The following CSMD1 variants were observed in gnomAD, a reference collection of about 807,000 sequenced individuals.
CSMD1 encodes the protein CUB and Sushi multiple domains 1.
In CSMD1, 213 loss-of-function variants were observed where a neutral mutation model predicts 417.5. That is an observed-to-expected ratio of 0.51 (90% CI 0.46 to 0.57). The LOEUF (loss-of-function observed/expected upper bound fraction) is 0.57, where lower values mean the gene tolerates loss of function less well. Among genes scored for constraint, CSMD1 ranks in the 20% least tolerant of loss-of-function variants. CSMD1 has a pLI of 0.00. For synonymous variants in CSMD1, 2,862 were observed against 1,736.8 expected (o/e 1.65, Z -16.11); for missense variants, 6,923 against 4,529.7 (o/e 1.53, Z -15.17).
Position 3,212,985 on chromosome 8 carries a change from C to T in CSMD1, c.4867+1512G>A, listed in dbSNP as rs12334741. Among the ~76,000 whole-genome samples, 10 of 151,592 alleles carry T rather than the reference C, an allele frequency of 6.6e-5. No individual in the cohort carries two copies. The East Asian group carries it at 1.4e-3, about 21-fold the overall frequency. On this transcript the variant is annotated intron_variant, in intron 30 of 69. Coordinates refer to ENST00000635120, the MANE Select transcript of CSMD1 (RefSeq NM_033225.6). The stretch of plus-strand genomic sequence containing the variant: ...CTGGGATTACAGGTGTGCACCACCA[C>T]GCCCAGCTAATTTTTTGTATTTTTA...
intron 1 of CSMD1, among the ~76,000 whole-genome samples, chr8:4,733,733 C>A (rs565997958): frequency 1.3e-5 from 2 of 152,140 alleles, no homozygotes; most frequent in South Asian, 2.1e-4. Flanking sequence ...ATGTAGGAAC[C>A]CATGAAAGTA....
At chr8:4,554,461 G>C (rs7003947) in intron 2 of CSMD1, among the ~76,000 whole-genome samples, 2,300 of 152,204 alleles carry the variant, frequency 0.015, 74 homozygotes, top group African/African-American at 0.052. Context: ...TTTAACATTA[G>C]AATGTTCACG....
At chr8:4,285,820 G>C (rs1271263672) in intron 3 of CSMD1, among the ~76,000 whole-genome samples, 1 of 152,190 alleles carries the variant, frequency 6.6e-6, no homozygotes, top group Non-Finnish European at 1.5e-5. Context: ...TTTCACAGAA[G>C]ATCATGTGTC....
intron 3 of CSMD1, among the ~76,000 whole-genome samples, chr8:4,093,827 G>C (rs1046477421): frequency 1.7e-4 from 26 of 152,052 alleles, no homozygotes; most frequent in African/African-American, 5.8e-4. Flanking sequence ...TGGGTGTGGT[G>C]GTGCATGCCT....
chr8:2,975,575 T>A (rs1585079780), intron 55 of CSMD1, among the ~76,000 whole-genome samples: 2 of 152,150 alleles, frequency 1.3e-5, no homozygotes, highest in African/African-American at 4.8e-5. Flanking sequence ...ACATGGACAT[T>A]GATTCATTGG....
chr8:4,375,204 G>T (rs1802654311), intron 3 of CSMD1, among the ~76,000 whole-genome samples: 1 of 152,124 alleles, frequency 6.6e-6, no homozygotes, highest in Non-Finnish European at 1.5e-5. Flanking sequence ...TCAAGTCTTT[G>T]CCCACGGGGA....
chr8:4,541,704 C>T (rs1022920842), intron 2 of CSMD1, among the ~76,000 whole-genome samples: 3 of 152,028 alleles, frequency 2.0e-5, no homozygotes, highest in African/African-American at 7.2e-5. Context: ...CACTGCATTC[C>T]AGCCTGGGTG....
intron 31 of CSMD1, among the ~76,000 whole-genome samples, chr8:3,204,672 T>G (rs546827578): frequency 6.6e-6 from 1 of 152,324 alleles, no homozygotes; most frequent in East Asian, 1.9e-4. Context: ...TGTCACATGT[T>G]AAAAATGCTT....
At chr8:4,540,443 C>T (rs118029432) in intron 2 of CSMD1, among the ~76,000 whole-genome samples, 1 of 152,236 alleles carries the variant, frequency 6.6e-6, no homozygotes. Flanking sequence ...TGGCTCATGC[C>T]TGTAATTCCA....
chr8:3,013,419 G>C (rs1808569283), intron 52 of CSMD1, among the ~76,000 whole-genome samples: 1 of 152,104 alleles, frequency 6.6e-6, no homozygotes, highest in African/African-American at 2.4e-5. Flanking sequence ...AAATAGTTAT[G>C]AATGACTACT....
chr8:4,065,340 G>A (rs765348148), intron 3 of CSMD1, among the ~76,000 whole-genome samples: 1 of 152,120 alleles, frequency 6.6e-6, no homozygotes, highest in Non-Finnish European at 1.5e-5. Context: ...GAATAAGGCT[G>A]GTGTTCACCA....
intron 1 of CSMD1, among the ~76,000 whole-genome samples, chr8:4,975,871 GAT>G (rs1312260953): frequency 2.0e-5 from 3 of 152,088 alleles, no homozygotes; most frequent in Non-Finnish European, 4.4e-5. Context: ...AGCACTCTAA[GAT>G]AAACCAATTA....
intron 65 of CSMD1, among the ~76,000 whole-genome samples, chr8:2,952,400 G>A (rs1802696526): frequency 6.6e-6 from 1 of 152,130 alleles, no homozygotes; most frequent in Non-Finnish European, 1.5e-5. Context: ...TAGGCAGGCT[G>A]AACCTATAAA....
At chr8:4,171,871 C>A (rs576899484) in intron 3 of CSMD1, among the ~76,000 whole-genome samples, 2 of 152,262 alleles carry the variant, frequency 1.3e-5, no homozygotes, top group South Asian at 4.1e-4. Context: ...TCATTACTTA[C>A]ATCAAATACT....
chr8:3,162,105 C>G (rs1039743314), intron 38 of CSMD1, 54 bp downstream of exon 38: 3 of 1,160,810 alleles, frequency 2.6e-6, no homozygotes, highest in Non-Finnish European at 3.8e-6. Flanking sequence ...TTTAAGAGAG[C>G]TGCACAAAGA....
intron 1 of CSMD1, among the ~76,000 whole-genome samples, chr8:4,669,447 GAAC>G (rs1185821905): frequency 6.6e-6 from 1 of 152,074 alleles, no homozygotes. Context: ...AGTTCCTGAG[GAAC>G]AACTACTTGG....
chr8:3,748,669 G>A (rs934573855), intron 6 of CSMD1, among the ~76,000 whole-genome samples: 1 of 152,184 alleles, frequency 6.6e-6, no homozygotes, highest in Non-Finnish European at 1.5e-5. Context: ...GTGAGCATTG[G>A]AGAATGGGGA....
chr8:3,221,877 T>C (rs1240400030), intron 28 of CSMD1, among the ~76,000 whole-genome samples: 1 of 151,968 alleles, frequency 6.6e-6, no homozygotes, highest in Non-Finnish European at 1.5e-5. Context: ...GCCTTTACCA[T>C]TAGTAATGCC....
At chr8:3,356,263 T>C (rs991828673) in intron 21 of CSMD1, among the ~76,000 whole-genome samples, 1 of 152,236 alleles carries the variant, frequency 6.6e-6, no homozygotes, top group African/African-American at 2.4e-5. Flanking sequence ...AATCAAATTT[T>C]TGAGATGAAA....
Sources: gnomAD v4.1 joint callset for allele counts (sites outside exome capture counted in the v4.1 genomes callset) on GRCh38, gnomAD v4.1.1 for gene constraint, MANE v1.5 for transcripts, NCBI Gene and HGNC (gene_info 2026-07-23, HGNC 2026-07-21) for gene names.